Variants in ALS2CL observed in about 807,000 individuals in gnomAD.
ALS2CL encodes the protein ALS2 C-terminal like, also known as ALS2 C-terminal-like protein.
In ALS2CL, 112 loss-of-function variants were observed where a neutral mutation model predicts 127.9. The observed-to-expected ratio is 0.88, with a 90% CI of 0.75 to 1.02. The LOEUF is 1.02. Ranked by LOEUF, ALS2CL falls within the 50% of genes least tolerant of loss-of-function variation. The probability of loss-of-function intolerance (pLI) is 0.00; values close to 1 mark genes in which losing one functional copy is unlikely to be tolerated. For missense variants in ALS2CL, 1,174 were observed against 1,236.7 expected, an observed-to-expected ratio of 0.95 and a Z score of 0.76; for synonymous variants, 519 against 527.6, an observed-to-expected ratio of 0.98 and a Z score of 0.22.
At chr3:46,675,288 A>G in intron 20 of ALS2CL, 1 of 314,168 alleles carries the variant, frequency 3.2e-6, no homozygotes, top group South Asian at 5.4e-5. Flanking sequence ...GCTCATCCCT[A>G]CCAGCCCTCG....
intron 7 of ALS2CL, among the ~76,000 whole-genome samples, chr3:46,684,717 G>A (rs760905865): frequency 2.2e-4 from 34 of 152,222 alleles, no homozygotes; most frequent in Non-Finnish European, 3.8e-4. Flanking sequence ...ATGTGCAAAG[G>A]TCCAGCGTCA....
chr3:46,674,573 C>T lies in ALS2CL; in HGVS notation c.2422G>A (p.Val808Met), dbSNP rs747485466. 1.2e-6 allele frequency: 2 copies of T among 1,612,024 alleles called. No homozygotes were observed. The highest frequency in any genetic ancestry group is 2.2e-5 in the South Asian group (2 of 90,642). The change falls in exon 21 of 26, where the codon GTG becomes ATG. Residue 808 changes from valine to methionine, a missense_variant. Transcript: ENST00000318962. ...GGGGAAGGGAAGGCTTACTTCTGCACATCCAGGAACTCGAGCAGTTGGGTA... is the reference window on the plus strand; with the variant it reads ...GGGGAAGGGAAGGCTTACTTCTGCATATCCAGGAACTCGAGCAGTTGGGTA... ...PDTQLLEFLD[V>M]QKHLWPLKDL...
rs200208936 is a variant in ALS2CL at position 46,677,012 on chromosome 3, C to T, written c.1768G>A (p.Val590Met). Residue 590 changes from valine (V) to methionine (M), a missense_variant, in exon 17 of 26, where the codon GTG (valine) becomes ATG (methionine). Physicochemically the swap from Val to Met is conservative, Grantham distance 21 (BLOSUM62 1). Transcript: ENST00000318962. ...PSSTCKRQLG[V>M]GAFPVESRWQ... ...CGGCTTTCCACGGGGAAGGCACCCA[C>T]GCCCAGCTGCCTGCGATGGGGATGG... The T allele has an allele frequency of 5.5e-5, 89 of 1,604,676 alleles. No individual in the cohort carries two copies. The East Asian group carries it at 1.8e-3, about 33-fold the overall frequency.
rs777646624 is a variant in ALS2CL at position 46,682,012 on chromosome 3, GC to G, written c.1175+16del. The G allele has an allele frequency of 1.9e-6, 3 of 1,613,450 alleles. No individual in the cohort carries two copies. The highest frequency in any genetic ancestry group is 2.5e-6 in the Non-Finnish European group (3 of 1,179,718). On this transcript the variant is annotated intron_variant, in intron 11 of 25. Transcript: ENST00000318962. ...GCCCACTGCACGCCTCCCAGCAGTAGCCCCAGCCAGCCTTACCCATGCTCCA... is the reference window on the plus strand; with the variant it reads ...GCCCACTGCACGCCTCCCAGCAGTAGCCCAGCCAGCCTTACCCATGCTCCA...
Position 46,681,616 on chromosome 3 carries a change from G to C in ALS2CL, c.1176-18C>G. On this transcript the variant is annotated intron_variant, in intron 11 of 25. Transcript: ENST00000318962. The surrounding 1 kb of genome is among the most constrained non-coding windows in gnomAD (Gnocchi z 4.9). ...TGCCGAAGCTGACAGCATGGTTGTG[G>C]GGGTGGGGATCAGCCCTGACCTGAG... The C allele has an allele frequency of 2.5e-6, 4 of 1,613,618 alleles. No individual in the cohort carries two copies. The highest frequency in any genetic ancestry group is 3.4e-6 in the Non-Finnish European group (4 of 1,179,680).
At position 46,680,517 on chromosome 3, in the gene ALS2CL, C is replaced by T; in HGVS notation, c.1461G>A (p.Trp487Ter). Residue 487 changes from tryptophan (W) to a stop codon, truncating the protein, a stop_gained, in exon 14 of 26, where the codon TGG becomes TGA. Coordinates refer to ENST00000318962, the MANE Select transcript of ALS2CL (RefSeq NM_147129.5). LOFTEE classifies it high-confidence loss of function. ...CTGGGCCGTGGCGCTGACCAGCCTGCCACATGCCAATGTAGCGCTCACCTC... is the reference window on the plus strand; with the variant it reads ...CTGGGCCGTGGCGCTGACCAGCCTGTCACATGCCAATGTAGCGCTCACCTC... ...GDRGERYIGMWQAGQRHGPGV... is the reference protein window; with the variant it reads ...GDRGERYIGM 6.2e-7 allele frequency: 1 copy of T among 1,612,904 alleles called. No individual in the cohort carries two copies. The highest frequency in any genetic ancestry group is 1.1e-5 in the South Asian group (1 of 91,082).
intron 25 of ALS2CL, 56 bp downstream of exon 25, chr3:46,671,432 G>A: frequency 2.5e-6 from 4 of 1,609,530 alleles, no homozygotes; most frequent in Non-Finnish European, 3.4e-6. Context: ...AAGGGAAAAG[G>A]GTCTGCCCCA....
chr3:46,692,904 G>A (rs780955746), intron 1 of ALS2CL, among the ~76,000 whole-genome samples: 3 of 152,208 alleles, frequency 2.0e-5, no homozygotes, highest in South Asian at 4.1e-4. Flanking sequence ...ACACCTTGTC[G>A]TGACACTCAC....
intron 21 of ALS2CL, among the ~76,000 whole-genome samples, chr3:46,673,990 G>A (rs1698610452): frequency 6.6e-6 from 1 of 152,182 alleles, no homozygotes; most frequent in Non-Finnish European, 1.5e-5. Flanking sequence ...GGACACTGAA[G>A]AGAAAGGACA....
At chr3:46,684,227 T>C (rs940904004) in intron 7 of ALS2CL, among the ~76,000 whole-genome samples, 180 bp from the exon 8 acceptor site, 1 of 152,136 alleles carries the variant, frequency 6.6e-6, no homozygotes, top group Admixed American at 6.5e-5. Context: ...AGCTCCTCCA[T>C]GTCCTTTCTA....
intron 15 of ALS2CL, 152 bp from the exon 16 acceptor site, chr3:46,678,541 G>C: frequency 9.0e-7 from 1 of 1,105,222 alleles, no homozygotes; most frequent in South Asian, 1.9e-5. Context: ...CCATGCTGAG[G>C]GGTTCATAAT....
At chr3:46,683,011 G>T in intron 10 of ALS2CL, 119 bp downstream of exon 10, 2 of 1,101,698 alleles carry the variant, frequency 1.8e-6, no homozygotes, top group Non-Finnish European at 2.5e-6. Context: ...AGAATTGACT[G>T]TCCACAGAGA....
intron 1 of ALS2CL, among the ~76,000 whole-genome samples, chr3:46,691,789 C>T (rs1347212337): frequency 6.6e-6 from 1 of 150,854 alleles, no homozygotes; most frequent in Non-Finnish European, 1.5e-5. Context: ...AACTCCTAGC[C>T]TCAAGTGATC....
rs1047791438 is a variant in ALS2CL, at chr3:46,681,415, G to C, written c.1275-8C>G. 5.6e-6 allele frequency: 9 copies of C among 1,605,886 alleles called. No individual in the cohort carries two copies. In the South Asian group the frequency reaches 9.9e-5, roughly 18 times the overall value. ...ACCTCGTCGGTGCTGTACCTGGGGA[G>C]GGCCATCAACAACGAGCTCTGCCTC... On this transcript the variant is annotated splice_region_variant and splice_polypyrimidine_tract_variant and intron_variant, in intron 12 of 25. Coordinates refer to ENST00000318962, the MANE Select transcript of ALS2CL (RefSeq NM_147129.5). This position sits in a 1 kb window ranked among gnomAD's most constrained non-coding sequence, Gnocchi z 4.9.
rs368362323 is a variant in ALS2CL at position 46,681,608 on chromosome 3, T to C, written c.1176-10A>G. The C allele has an allele frequency of 6.2e-7, 1 of 1,613,920 alleles. No individual in the cohort carries two copies. The highest frequency in any genetic ancestry group is 8.5e-7 in the Non-Finnish European group (1 of 1,179,900). On this transcript the variant is annotated splice_polypyrimidine_tract_variant and intron_variant, in intron 11 of 25. Transcript: ENST00000318962. The surrounding 1 kb of genome is among the most constrained non-coding windows in gnomAD (Gnocchi z 4.9). ...CAGGCGGATGCCGAAGCTGACAGCA[T>C]GGTTGTGGGGGTGGGGATCAGCCCT... is the stretch of plus-strand genomic sequence containing the variant.
At chr3:46,679,440 A>C in intron 14 of ALS2CL, 153 bp from the exon 15 acceptor site, 1 of 606,354 alleles carries the variant, frequency 1.6e-6, no homozygotes, top group Non-Finnish European at 2.8e-6. Flanking sequence ...ACTGTACCTA[A>C]TTGGGACTCT....
chr3:46,687,593 G>A, intron 4 of ALS2CL, 26 bp downstream of exon 4: 1 of 1,610,738 alleles, frequency 6.2e-7, no homozygotes, highest in African/African-American at 1.3e-5. Flanking sequence ...CCCTGTCAGG[G>A]GCCAGTGCAC....
intron 19 of ALS2CL, 199 bp from the exon 20 acceptor site, chr3:46,675,885 A>G: frequency 6.9e-7 from 1 of 1,443,976 alleles, no homozygotes; most frequent in Admixed American, 2.7e-5. Flanking sequence ...AGAAGGAACT[A>G]TAGCATCTAA....
At chr3:46,672,748 A>G (rs1346923302) in intron 22 of ALS2CL, among the ~76,000 whole-genome samples, 1 of 152,088 alleles carries the variant, frequency 6.6e-6, no homozygotes, top group Non-Finnish European at 1.5e-5. Context: ...TAATCCCACC[A>G]CTTTAGGAGG....
Sources: gnomAD v4.1 joint callset for allele counts (sites outside exome capture counted in the v4.1 genomes callset) on GRCh38, gnomAD v4.1.1 for gene constraint, Gnocchi (gnomAD v3.1) non-coding constraint, MANE v1.5 for transcripts, NCBI Gene and HGNC (gene_info 2026-07-23, HGNC 2026-07-21) for gene names.